Variants in SPACA7 observed in about 807,000 individuals in gnomAD.
SPACA7 encodes the protein sperm acrosome associated 7.
A neutral mutation model predicts 26.3 loss-of-function variants in SPACA7; 19 were observed. That is an observed-to-expected ratio of 0.72 (90% CI 0.50 to 1.06). The LOEUF (loss-of-function observed/expected upper bound fraction) is 1.06. Ranked by LOEUF, SPACA7 falls within the 50% of genes least tolerant of loss-of-function variation. The probability of loss-of-function intolerance (pLI) is 0.00; values close to 1 mark genes in which losing one functional copy is unlikely to be tolerated. For missense variants in SPACA7, 211 were observed against 229.9 expected, an observed-to-expected ratio of 0.92 and a Z score of 0.53; for synonymous variants, 84 against 84.5, an observed-to-expected ratio of 0.99 and a Z score of 0.04.
At chr13:112,379,557 G>A (rs899195603) in intron 1 of SPACA7, among the ~76,000 whole-genome samples, 3 of 152,130 alleles carry the variant, frequency 2.0e-5, no homozygotes, top group African/African-American at 7.2e-5. Flanking sequence ...GGACAGTAAG[G>A]ACAGTGAAAA....
At chr13:112,413,229 A>T (rs554815379) in intron 5 of SPACA7, among the ~76,000 whole-genome samples, 1 of 152,288 alleles carries the variant, frequency 6.6e-6, no homozygotes, top group South Asian at 2.1e-4. Flanking sequence ...TTTCAGATTG[A>T]AGACTTCTTT....
chr13:112,387,292 CACAAA>C (rs1158184561), intron 1 of SPACA7, among the ~76,000 whole-genome samples: 9 of 152,292 alleles, frequency 5.9e-5, no homozygotes, highest in South Asian at 2.1e-4. Context: ...CTCTTAAGGA[CACAAA>C]ACAAGACAGA....
intron 5 of SPACA7, among the ~76,000 whole-genome samples, chr13:112,426,626 C>CATA (rs1351778926): frequency 6.6e-6 from 1 of 152,174 alleles, no homozygotes; most frequent in African/African-American, 2.4e-5. Context: ...TAGGTTTATA[C>CATA]ATAAGTGTTT....
intron 6 of SPACA7, among the ~76,000 whole-genome samples, chr13:112,433,910 C>T (rs1390878050): frequency 1.3e-5 from 2 of 152,228 alleles, no homozygotes; most frequent in Non-Finnish European, 2.9e-5. Flanking sequence ...CATGATTGAC[C>T]TTGTCAAGAT....
At chr13:112,378,010 G>A (rs1475801230) in intron 1 of SPACA7, among the ~76,000 whole-genome samples, 2 of 152,192 alleles carry the variant, frequency 1.3e-5, no homozygotes, top group East Asian at 3.9e-4. Flanking sequence ...CTAGTTTGCA[G>A]GGGGTGTGTC....
intron 1 of SPACA7, chr13:112,382,480 C>T (rs751673835): frequency 1.0e-5 from 16 of 1,550,116 alleles, no homozygotes; most frequent in African/African-American, 6.9e-5. Flanking sequence ...TGACAGGGGA[C>T]GTAGTGGGAA....
intron 5 of SPACA7, among the ~76,000 whole-genome samples, chr13:112,414,390 T>C: frequency 1.4e-4 from 2 of 14,588 alleles, no homozygotes; most frequent in Admixed American, 9.2e-4. Flanking sequence ...TTCTGTGTCT[T>C]TTTTTTTTTT....
At chr13:112,378,601 A>G (rs7324712) in intron 1 of SPACA7, 235,014 of 462,228 alleles carry the variant, frequency 0.51, 61,510 homozygotes, top group African/African-American at 0.64. Context: ...CAGACTTCAC[A>G]TGTGGTACCT....
In SPACA7 at chr13:112,376,410, A is replaced by G. The variant is rs775499894; in HGVS notation, c.25A>G (p.Thr9Ala). ...CATGGCAGTGAGCCAAGGAGACGGG[A>G]CCCTCTGCTTTGTCCTCCTGCTGTG... is the stretch of plus-strand genomic sequence containing the variant. MAVSQGDGTLCFVLLLCCW... is the reference protein window; with the variant it reads MAVSQGDGALCFVLLLCCW... The change falls in exon 1 of 7, where the codon ACC becomes GCC. Residue 9 changes from threonine (T) to alanine (A), a missense_variant. By Grantham distance (58) the Thr-to-Ala change is moderately conservative. Transcript: ENST00000283550. 6.2e-7 allele frequency: 1 copy of G among 1,613,698 alleles called. No individual in the cohort carries two copies. The highest frequency in any genetic ancestry group is 8.5e-7 in the Non-Finnish European group (1 of 1,179,860).
Position 112,379,868 on chromosome 13 carries a change from G to C in SPACA7, c.94+3389G>C, listed in dbSNP as rs540792208. Among the ~76,000 whole-genome samples, 40 of 152,242 alleles carry C rather than the reference G, an allele frequency of 2.6e-4. No homozygotes were observed. The South Asian group carries it at 8.3e-3, about 32-fold the overall frequency. On this transcript the variant is annotated intron_variant, in intron 1 of 6. Transcript: ENST00000283550. ...AATATTTGGTTAAATAGGATCATAAGTTACTATGAAATGGTAGCTATCCAT... is the reference window on the plus strand; with the variant it reads ...AATATTTGGTTAAATAGGATCATAACTTACTATGAAATGGTAGCTATCCAT...
intron 1 of SPACA7, among the ~76,000 whole-genome samples, chr13:112,388,858 A>G (rs1884700784): frequency 6.6e-6 from 1 of 152,124 alleles, no homozygotes; most frequent in African/African-American, 2.4e-5. Context: ...TTGGTCAGAG[A>G]TCAAATCATA....
At chr13:112,429,558 C>T (rs1457700231) in intron 5 of SPACA7, among the ~76,000 whole-genome samples, 2 of 152,136 alleles carry the variant, frequency 1.3e-5, no homozygotes, top group Admixed American at 6.5e-5. Context: ...TTCTTATAGA[C>T]AGCGTATGGT....
intron 1 of SPACA7, among the ~76,000 whole-genome samples, chr13:112,384,092 T>A (rs946858740): frequency 6.6e-6 from 1 of 152,212 alleles, no homozygotes; most frequent in Admixed American, 6.5e-5. Context: ...TACATTAGTT[T>A]TCCATAAGAG....
chr13:112,404,603 G>A (rs1471430841), intron 5 of SPACA7, among the ~76,000 whole-genome samples: 1 of 152,202 alleles, frequency 6.6e-6, no homozygotes, highest in African/African-American at 2.4e-5. Flanking sequence ...TAAGCTGAGA[G>A]ACAAGGATCC....
At chr13:112,378,627 T>C (rs1883845289) in intron 1 of SPACA7, 2 of 469,618 alleles carry the variant, frequency 4.3e-6, no homozygotes, top group South Asian at 1.6e-5. Context: ...CTTGGGTGAA[T>C]TTCTCTCTTC....
intron 5 of SPACA7, among the ~76,000 whole-genome samples, chr13:112,423,651 A>G (rs556289553): frequency 9.3e-4 from 142 of 152,358 alleles, no homozygotes; most frequent in South Asian, 2.1e-3. Context: ...GTTTGAAGGA[A>G]TGATTATCAA....
intron 2 of SPACA7, among the ~76,000 whole-genome samples, chr13:112,396,722 C>T (rs1165896883): frequency 9.2e-5 from 14 of 152,216 alleles, no homozygotes; most frequent in Admixed American, 7.8e-4. Flanking sequence ...TGAGTGGCAG[C>T]GCCCAGCCCC....
chr13:112,415,648 G>A (rs922549989), intron 5 of SPACA7, among the ~76,000 whole-genome samples: 6 of 152,134 alleles, frequency 3.9e-5, no homozygotes, highest in African/African-American at 1.4e-4. Context: ...TGTGATGTGG[G>A]CACTTCTATG....
At chr13:112,413,302 A>C (rs1054427491) in intron 5 of SPACA7, among the ~76,000 whole-genome samples, 2 of 151,758 alleles carry the variant, frequency 1.3e-5, no homozygotes, top group African/African-American at 4.8e-5. Context: ...TTTGTCTGGG[A>C]AAGTATTTCT....
Sources: gnomAD v4.1 joint callset for allele counts (sites outside exome capture counted in the v4.1 genomes callset) on GRCh38, gnomAD v4.1.1 for gene constraint, MANE v1.5 for transcripts, NCBI Gene and HGNC (gene_info 2026-07-23, HGNC 2026-07-21) for gene names.